Variants in HEATR5B observed in about 807,000 individuals in gnomAD.
HEATR5B encodes HEAT repeat-containing protein 5B.
Under a neutral mutation model 224.1 loss-of-function variants are expected in HEATR5B, and 156 were observed. The observed-to-expected ratio is 0.70, with a 90% confidence interval of 0.61 to 0.80. HEATR5B has a LOEUF of 0.80. Ranked by LOEUF, HEATR5B falls within the 30% of genes least tolerant of loss-of-function variation. HEATR5B has a pLI of 0.00. For synonymous variants in HEATR5B, 1,027 were observed against 893.0 expected (o/e 1.15, Z -2.68); for missense variants, 2,323 against 2,535.5 (o/e 0.92, Z 1.80).
intron 4 of HEATR5B, 64 bp from the exon 5 acceptor site, chr2:37,075,698 C>T: frequency 7.4e-7 from 1 of 1,357,270 alleles, no homozygotes; most frequent in Non-Finnish European, 1.0e-6. Flanking sequence ...CAAGAACACA[C>T]CAAGACAAAA....
chr2:36,984,215 A>AATAT lies in HEATR5B; in HGVS notation c.5912-2425_5912-2422dup, dbSNP rs60636196. On this transcript the variant is annotated intron_variant, in intron 35 of 35. Coordinates refer to ENST00000233099, the MANE Select transcript of HEATR5B (RefSeq NM_019024.3). ...AACTCTGTCTCAAAAAAAAAAAAAA[A>AATAT]ATATATATATATATATATATATAAA... 5.1e-3 allele frequency among the ~76,000 whole-genome samples: 393 copies of AATAT among 77,586 alleles called. 34 individuals are homozygous for AATAT. Among genetic ancestry groups the AATAT allele is most frequent in the African/African-American group, 0.016 (265 of 17,016 alleles). 50.9% of individuals were successfully genotyped at this position (77,586 alleles called of 152,430 possible). A position where few individuals can be genotyped will look rare whatever the true frequency, so the allele number is the denominator to read the frequency against.
intron 16 of HEATR5B, chr2:37,055,096 G>T: frequency 2.4e-6 from 1 of 416,152 alleles, no homozygotes; most frequent in South Asian, 1.8e-5. Flanking sequence ...TGTGCACTAA[G>T]AACAGCAGTA....
At chr2:37,067,083 C>T (rs537907181) in intron 8 of HEATR5B, among the ~76,000 whole-genome samples, 50 of 152,206 alleles carry the variant, frequency 3.3e-4, no homozygotes, top group South Asian at 4.1e-4. Context: ...GTTGGGCAGG[C>T]TGTTTTTGAA....
At position 37,003,203 on chromosome 2, in the gene HEATR5B, C is replaced by T. The variant is rs544625744; in HGVS notation, c.5050+339G>A. 4.4e-4 allele frequency among the ~76,000 whole-genome samples: 64 copies of T among 143,858 alleles called. No individual in the cohort carries two copies. The East Asian group carries it at 0.013, about 29-fold the overall frequency. The allele number at this position is 143,858 out of a possible 152,430, so 94.4% of individuals were successfully genotyped here. A position where few individuals can be genotyped will look rare whatever the true frequency, so the allele number is the denominator to read the frequency against. On this transcript the variant is annotated intron_variant, in intron 31 of 35. Transcript: ENST00000233099. ...CTGGGAGTTTGAGGCTGCAGTAAGC[C>T]GAGATTGCACCACTGCACTCCAGCC...
At chr2:37,016,466 A>G (rs976584322) in intron 26 of HEATR5B, among the ~76,000 whole-genome samples, 1 of 152,148 alleles carries the variant, frequency 6.6e-6, no homozygotes, top group Non-Finnish European at 1.5e-5. Context: ...TTCAGAGTTC[A>G]CAACTTTTGG....
At chr2:37,050,089 T>C (rs1670442753) in intron 17 of HEATR5B, among the ~76,000 whole-genome samples, 1 of 151,798 alleles carries the variant, frequency 6.6e-6, no homozygotes, top group South Asian at 2.1e-4. Context: ...GACAGGGTCT[T>C]ACTAAGTTTC....
At chr2:37,023,420 C>A (rs1228803645) in intron 24 of HEATR5B, among the ~76,000 whole-genome samples, 1 of 152,088 alleles carries the variant, frequency 6.6e-6, no homozygotes, top group African/African-American at 2.4e-5. Flanking sequence ...AGATGTGTAT[C>A]TTCATATTTT....
chr2:37,081,791 T>A (rs1475474542), intron 2 of HEATR5B, among the ~76,000 whole-genome samples: 3 of 152,154 alleles, frequency 2.0e-5, no homozygotes, highest in East Asian at 1.9e-4. Flanking sequence ...GTTCACATAC[T>A]GAACTTTAAA....
chr2:37,066,628 A>G (rs1360165325), intron 8 of HEATR5B, among the ~76,000 whole-genome samples: 1 of 152,160 alleles, frequency 6.6e-6, no homozygotes, highest in African/African-American at 2.4e-5. Context: ...AGAGACAACC[A>G]AAGATCGCTT....
At chr2:37,043,762 G>C (rs1670019389) in intron 18 of HEATR5B, among the ~76,000 whole-genome samples, 1 of 152,158 alleles carries the variant, frequency 6.6e-6, no homozygotes, top group Non-Finnish European at 1.5e-5. Context: ...GAACCTGATG[G>C]AGCTTATGTT....
chr2:37,020,555 C>A, intron 25 of HEATR5B, 100 bp downstream of exon 25: 1 of 755,478 alleles, frequency 1.3e-6, no homozygotes, highest in Non-Finnish European at 2.1e-6. Context: ...CAGAAATAAA[C>A]AGATTGCAGT....
In HEATR5B at chr2:37,028,733, T is replaced by C. The variant is rs1471878269; in HGVS notation, c.3549A>G (p.Glu1183=). The change falls in exon 23 of 36, where the codon GAA becomes GAG. Residue 1183 remains glutamate (E), a synonymous_variant. Transcript: ENST00000233099. ...AAAGCATTAGCCAATGAGAAAGTTT[T>C]TCTACTGCCAGCGAAGAAAGCATAT... ...LGHMLSSLAV[E]KLSHWLMLCK... 3 of 1,614,054 alleles carry C rather than the reference T, an allele frequency of 1.9e-6. No individual in the cohort carries two copies. In the South Asian group the frequency reaches 3.3e-5, roughly 18 times the overall value.
chr2:37,010,298 G>A (rs1311238688), intron 27 of HEATR5B, among the ~76,000 whole-genome samples: 1 of 152,060 alleles, frequency 6.6e-6, no homozygotes, highest in Non-Finnish European at 1.5e-5. Flanking sequence ...TAACGAGAAA[G>A]CCTAAGTATG....
intron 17 of HEATR5B, among the ~76,000 whole-genome samples, chr2:37,050,841 C>T (rs1447657674): frequency 6.6e-6 from 1 of 152,152 alleles, no homozygotes; most frequent in Non-Finnish European, 1.5e-5. Context: ...AGATCAAGAC[C>T]ATCCTGGCCA....
At chr2:37,023,408 T>C (rs2706816) in intron 24 of HEATR5B, among the ~76,000 whole-genome samples, 6,558 of 152,320 alleles carry the variant, frequency 0.043, 463 homozygotes, top group African/African-American at 0.15. Flanking sequence ...GTCAAAGTTA[T>C]AAGATGTGTA....
At chr2:37,023,580 C>A (rs991965398) in intron 24 of HEATR5B, among the ~76,000 whole-genome samples, 1 of 151,958 alleles carries the variant, frequency 6.6e-6, no homozygotes, top group Non-Finnish European at 1.5e-5. Flanking sequence ...ACCAGCCTGG[C>A]CAACATGGTG....
intron 24 of HEATR5B, among the ~76,000 whole-genome samples, chr2:37,023,571 C>T (rs927369970): frequency 6.6e-6 from 1 of 152,060 alleles, no homozygotes; most frequent in Non-Finnish European, 1.5e-5. Flanking sequence ...GAGTTTGAGA[C>T]CAGCCTGGCC....
At chr2:37,005,586 C>T (rs771509922) in intron 30 of HEATR5B, 46 bp downstream of exon 30, 2 of 1,570,342 alleles carry the variant, frequency 1.3e-6, no homozygotes, top group East Asian at 2.3e-5. Flanking sequence ...TAAAGCAATA[C>T]TCAAAAAAAA....
chr2:37,067,900 ATAAAT>A (rs1671680683), intron 8 of HEATR5B, among the ~76,000 whole-genome samples: 1 of 152,212 alleles, frequency 6.6e-6, no homozygotes, highest in Middle Eastern at 3.2e-3. Flanking sequence ...TCTCTAAAAA[ATAAAT>A]TATTGATATT....
Sources: gnomAD v4.1 joint callset for allele counts (sites outside exome capture counted in the v4.1 genomes callset) on GRCh38, gnomAD v4.1.1 for gene constraint, MANE v1.5 for transcripts, NCBI Gene and HGNC (gene_info 2026-07-23, HGNC 2026-07-21) for gene names.